The following IL7 variants were observed in gnomAD, a reference collection of about 807,000 sequenced individuals.
The protein encoded by IL7 is interleukin-7.
Under a neutral mutation model 21.6 loss-of-function variants are expected in IL7, and 3 were observed. The observed-to-expected ratio is 0.14, with a 90% confidence interval of 0.06 to 0.36. The LOEUF is 0.36. Among genes scored for constraint, IL7 ranks in the 10% least tolerant of loss-of-function variants. IL7 has a pLI of 1.00. For missense variants in IL7, 175 were observed against 200.2 expected (o/e 0.87, Z 0.76); for synonymous variants, 62 against 68.1 (o/e 0.91, Z 0.44).
intron 4 of IL7, chr8:78,678,806 T>C (rs1809669392): frequency 1.8e-6 from 1 of 546,256 alleles, no homozygotes; most frequent in Non-Finnish European, 3.0e-6. Context: ...AAAGAATAAA[T>C]ACAATTCTGT....
chr8:78,787,480 T>G (rs1354142330), intron 2 of IL7, among the ~76,000 whole-genome samples: 1 of 149,858 alleles, frequency 6.7e-6, no homozygotes, highest in Admixed American at 6.6e-5. Context: ...AAGAAAACTG[T>G]TTTTTTTCCC....
rs545838954 is a variant in IL7, at chr8:78,791,010, G to T, written c.147+7062C>A. On this transcript the variant is annotated intron_variant, in intron 2 of 5. Transcript: ENST00000263851. ...TAAAGACAGTTTGGTACTGACCCAG[G>T]ACAGATATACAGATGAACAAAATGG... Among the ~76,000 whole-genome samples, 23 of 151,962 alleles carry T rather than the reference G, an allele frequency of 1.5e-4. 1 individual carries two copies. In the South Asian group the frequency reaches 4.8e-3, roughly 32 times the overall value.
intron 2 of IL7, among the ~76,000 whole-genome samples, chr8:78,756,284 G>T (rs1563422565): frequency 1.3e-5 from 2 of 151,738 alleles, no homozygotes; most frequent in Non-Finnish European, 3.0e-5. Context: ...CTTTTTGGTT[G>T]TCTCTTTATC....
chr8:78,712,573 A>C (rs1208498744), intron 3 of IL7, among the ~76,000 whole-genome samples: 1 of 152,202 alleles, frequency 6.6e-6, no homozygotes. Context: ...AAGGGTCCTT[A>C]GTCTTTTTGT....
chr8:78,740,615 C>T (rs1811744643), intron 2 of IL7, among the ~76,000 whole-genome samples: 1 of 152,198 alleles, frequency 6.6e-6, no homozygotes, highest in Non-Finnish European at 1.5e-5. Flanking sequence ...TTCAGTTGAG[C>T]TGAGACTACA....
chr8:78,798,742 A>G (rs961424059), intron 1 of IL7, among the ~76,000 whole-genome samples: 1 of 151,856 alleles, frequency 6.6e-6, no homozygotes, highest in Non-Finnish European at 1.5e-5. Flanking sequence ...TTAATAATGA[A>G]CCCTGAAGGG....
chr8:78,718,646 A>T (rs1445420434), intron 6 of IL7: 1 of 151,856 alleles, frequency 6.6e-6, no homozygotes, highest in East Asian at 1.9e-4. Context: ...GTTTTAATGC[A>T]TAATTGACTT....
downstream of IL7, chr8:78,717,614 A>G (rs1811148343): frequency 9.0e-7 from 1 of 1,109,020 alleles, no homozygotes; most frequent in African/African-American, 1.6e-5. Flanking sequence ...ATTTCCAGTT[A>G]ATTTTGAAGT....
intron 3 of IL7, among the ~76,000 whole-genome samples, chr8:78,708,672 C>CTTTTTTTTTTTTTTTTTTTTTTTTT (rs66697724): frequency 7.0e-6 from 1 of 142,574 alleles, no homozygotes. Context: ...AGATGATTAT[C>CTTTTTTTTTTTTTTTTTTTTTTTTT]TTTTTTTTTT....
chr8:78,697,329 T>C, intron 3 of IL7: 1 of 1,157,652 alleles, frequency 8.6e-7, no homozygotes, highest in Non-Finnish European at 1.2e-6. Context: ...ACCCAAAGAA[T>C]GTTAAGTTTT....
chr8:78,741,210 G>A (rs924609034), intron 2 of IL7, among the ~76,000 whole-genome samples: 1 of 152,188 alleles, frequency 6.6e-6, no homozygotes, highest in South Asian at 2.1e-4. Context: ...ATTTTAAAAT[G>A]TATATACTAT....
chr8:78,802,827 T>C (rs1814124136), intron 1 of IL7, among the ~76,000 whole-genome samples: 1 of 152,182 alleles, frequency 6.6e-6, no homozygotes, highest in South Asian at 2.1e-4. Flanking sequence ...CTGAACTACA[T>C]TGCTTCCTTA....
intron 3 of IL7, among the ~76,000 whole-genome samples, chr8:78,739,353 T>C (rs865791100): frequency 2.6e-5 from 4 of 152,352 alleles, no homozygotes; most frequent in Middle Eastern, 6.8e-3. Flanking sequence ...CAATGACTTA[T>C]ATTTGTATGT....
intron 5 of IL7, among the ~76,000 whole-genome samples, chr8:78,735,276 CTTTT>C: frequency 2.5e-5 from 2 of 78,482 alleles, no homozygotes; most frequent in East Asian, 3.7e-4. Flanking sequence ...CTTTTCTTTT[CTTTT>C]TTTTTTTTTT....
chr8:78,783,184 C>T (rs1813397735), intron 2 of IL7, among the ~76,000 whole-genome samples: 1 of 152,196 alleles, frequency 6.6e-6, no homozygotes, highest in Non-Finnish European at 1.5e-5. Flanking sequence ...AGCCCAGTGG[C>T]CACTGAGAGA....
chr8:78,710,409 T>A (rs978942879), intron 3 of IL7, among the ~76,000 whole-genome samples: 1 of 152,160 alleles, frequency 6.6e-6, no homozygotes, highest in Non-Finnish European at 1.5e-5. Context: ...GGCAATCTTT[T>A]TATATATGTA....
At chr8:78,761,133 C>G in intron 2 of IL7, 1 of 1,595,730 alleles carries the variant, frequency 6.3e-7, no homozygotes, top group Non-Finnish European at 8.5e-7. Flanking sequence ...TCAAAAGCAT[C>G]ATGCCTCCCT....
At chr8:78,789,384 T>A (rs1004374495) in intron 2 of IL7, among the ~76,000 whole-genome samples, 5 of 152,216 alleles carry the variant, frequency 3.3e-5, no homozygotes, top group Non-Finnish European at 7.3e-5. Context: ...TCAATTTACA[T>A]TTTCCTTATT....
intron 3 of IL7, among the ~76,000 whole-genome samples, chr8:78,701,465 C>T (rs569720898): frequency 3.3e-5 from 5 of 152,314 alleles, no homozygotes; most frequent in African/African-American, 1.2e-4. Flanking sequence ...TTCCTCTCTT[C>T]CTATTTGGAT....
Sources: allele counts gnomAD v4.1 joint callset (sites outside exome capture counted in the v4.1 genomes callset), GRCh38; gene constraint gnomAD v4.1.1; transcripts MANE v1.5; gene names NCBI Gene and HGNC (gene_info 2026-07-23, HGNC 2026-07-21).